Variants in ADAMTS16 observed in about 807,000 individuals in gnomAD.
ADAMTS16 encodes the protein ADAM metallopeptidase with thrombospondin type 1 motif 16, also known as A disintegrin and metalloproteinase with thrombospondin motifs 16.
Under a neutral mutation model 145.8 loss-of-function variants are expected in ADAMTS16, and 94 were observed. That is an observed-to-expected ratio of 0.64 (90% CI 0.55 to 0.77). The LOEUF is 0.77. ADAMTS16 is among the 30% of genes least tolerant of loss of function. The pLI is 0.00. For missense variants in ADAMTS16, 1,585 were observed against 1,591.5 expected (o/e 1.00, Z 0.07); for synonymous variants, 659 against 604.3 (o/e 1.09, Z -1.33).
At chr5:5,201,471 CAAG>C (rs33935829) in intron 9 of ADAMTS16, among the ~76,000 whole-genome samples, 110,885 of 151,742 alleles carry the variant, frequency 0.73, 40,734 homozygotes, top group East Asian at 0.82. Flanking sequence ...TGAAATTTGA[CAAG>C]AAGAATTATA....
intron 13 of ADAMTS16, 48 bp downstream of exon 13, chr5:5,235,234 T>C (rs1237977997): frequency 6.9e-7 from 1 of 1,452,480 alleles, no homozygotes; most frequent in Non-Finnish European, 9.2e-7. Flanking sequence ...TTTACTACCT[T>C]TACTTTTTAA....
rs1376135788 is a variant in ADAMTS16 at position 5,319,773 on chromosome 5, C to T, written c.*635C>T. ...CAGGGGACTGCATTCTGGTTTGGGA[C>T]TTTGCCTATGGAAATGGGAAAAATG... On this transcript the variant is annotated 3_prime_UTR_variant, in exon 23 of 23. Transcript: ENST00000274181. 9 of 439,494 alleles carry T rather than the reference C, an allele frequency of 2.0e-5. No individual in the cohort carries two copies. Among genetic ancestry groups the T allele is most frequent in the Non-Finnish European group, 3.6e-5 (8 of 220,064 alleles). 27.2% of individuals were successfully genotyped at this position (439,494 alleles called of 1,614,324 possible).
chr5:5,200,044 G>T, intron 8 of ADAMTS16, 88 bp from the exon 9 acceptor site: 1 of 1,453,440 alleles, frequency 6.9e-7, no homozygotes, highest in Non-Finnish European at 9.2e-7. Flanking sequence ...GAGTCTCACA[G>T]TCTTGACTTG....
At chr5:5,287,526 G>A (rs1206904335) in intron 18 of ADAMTS16, among the ~76,000 whole-genome samples, 1 of 152,038 alleles carries the variant, frequency 6.6e-6, no homozygotes, top group Non-Finnish European at 1.5e-5. Flanking sequence ...AAGGAAATTC[G>A]ACTCCCAGTT....
intron 10 of ADAMTS16, among the ~76,000 whole-genome samples, chr5:5,219,930 A>T (rs1313113234): frequency 1.3e-5 from 2 of 152,194 alleles, no homozygotes; most frequent in Non-Finnish European, 2.9e-5. Context: ...AGTTACTCTG[A>T]ATGGTAGTCT....
At chr5:5,227,246 G>A (rs1441164130) in intron 11 of ADAMTS16, among the ~76,000 whole-genome samples, 2 of 152,224 alleles carry the variant, frequency 1.3e-5, no homozygotes, top group African/African-American at 2.4e-5. Context: ...CATCTACTGC[G>A]TTTAGGTGTG....
chr5:5,305,489 A>AC (rs1422835980), intron 20 of ADAMTS16, among the ~76,000 whole-genome samples: 1 of 45,580 alleles, frequency 2.2e-5, no homozygotes. Flanking sequence ...ACACACACAC[A>AC]ATCCCACACC....
At chr5:5,141,201 G>A (rs1168108357) in intron 2 of ADAMTS16, among the ~76,000 whole-genome samples, 1 of 151,792 alleles carries the variant, frequency 6.6e-6, no homozygotes, top group African/African-American at 2.4e-5. Context: ...TTCCTCTATC[G>A]TTGCTTATTC....
At chr5:5,309,584 A>C (rs4702257) in intron 21 of ADAMTS16, among the ~76,000 whole-genome samples, 75,047 of 152,012 alleles carry the variant, frequency 0.49, 18,732 homozygotes, top group East Asian at 0.59. Flanking sequence ...GCAGCACAGA[A>C]CATCAAAGCA....
In ADAMTS16 at chr5:5,249,448, G is replaced by A. The variant is rs182646562; in HGVS notation, c.2662+7257G>A. Among the ~76,000 whole-genome samples, 19 of 152,196 alleles carry A rather than the reference G, an allele frequency of 1.2e-4. No homozygotes were observed. The East Asian group carries it at 3.5e-3, about 28-fold the overall frequency. On this transcript the variant is annotated intron_variant, in intron 17 of 22. Transcript: ENST00000274181. ...CCTTGACTCCCTGCATGAGACCCGT[G>A]AAGGGGGTGACTCGTTTACTCAGCC...
intron 10 of ADAMTS16, 138 bp downstream of exon 10, chr5:5,209,384 T>A: frequency 9.8e-7 from 1 of 1,025,030 alleles, no homozygotes; most frequent in East Asian, 2.8e-5. Context: ...TGGTCCTGTA[T>A]AACGGGAAAC....
intron 10 of ADAMTS16, among the ~76,000 whole-genome samples, chr5:5,213,929 C>G (rs1725255094): frequency 6.6e-6 from 1 of 152,212 alleles, no homozygotes; most frequent in Non-Finnish European, 1.5e-5. Flanking sequence ...GGGCCCCCAG[C>G]CCAATGCAAC....
chr5:5,167,643 C>T (rs111760345), intron 3 of ADAMTS16, among the ~76,000 whole-genome samples: 1 of 152,188 alleles, frequency 6.6e-6, no homozygotes, highest in South Asian at 2.1e-4. Flanking sequence ...GCTATGTGTG[C>T]TACTTATACA....
In ADAMTS16 at chr5:5,319,910, A is replaced by G. The variant is rs74904081; in HGVS notation, c.*772A>G. On this transcript the variant is annotated 3_prime_UTR_variant, in exon 23 of 23. Coordinates refer to ENST00000274181, the MANE Select transcript of ADAMTS16 (RefSeq NM_139056.4). ...TATTTGCAAGTGAGTGTCCTTTTAA[A>G]AACACACTTCTTCATGCTTTTCTTT... 1,341 of 455,626 alleles carry G rather than the reference A, an allele frequency of 2.9e-3. 18 individuals carry two copies. Among genetic ancestry groups the G allele is most frequent in the African/African-American group, 0.024 (1,207 of 50,146 alleles). The allele number at this position is 455,626 out of a possible 1,614,324, so 28.2% of individuals were successfully genotyped here.
Position 5,255,816 on chromosome 5 carries a change from C to T in ADAMTS16, c.2663-6841C>T, listed in dbSNP as rs1016445141. On this transcript the variant is annotated intron_variant, in intron 17 of 22. Coordinates refer to ENST00000274181, the MANE Select transcript of ADAMTS16 (RefSeq NM_139056.4). ...GTTTCTAATATATTGACTTTTGTTT[C>T]TATATCAGATCCCTCTTTCTGCTTT... Among the ~76,000 whole-genome samples the T allele has an allele frequency of 3.3e-5, 5 of 152,178 alleles. No individual in the cohort carries two copies. In the South Asian group the frequency reaches 1.0e-3, roughly 31 times the overall value.
At chr5:5,207,367 A>T (rs1334356917) in intron 9 of ADAMTS16, among the ~76,000 whole-genome samples, 2 of 152,132 alleles carry the variant, frequency 1.3e-5, no homozygotes, top group African/African-American at 2.4e-5. Flanking sequence ...TAGAAAAGCA[A>T]TTGACTTTTG....
At chr5:5,261,643 G>A (rs149639831) in intron 17 of ADAMTS16, among the ~76,000 whole-genome samples, 128 of 152,078 alleles carry the variant, frequency 8.4e-4, no homozygotes, top group African/African-American at 3.0e-3. Flanking sequence ...GTGCCACCAC[G>A]CCCAGCTAAT....
intron 3 of ADAMTS16, among the ~76,000 whole-genome samples, chr5:5,156,239 C>G (rs1734598777): frequency 6.8e-6 from 1 of 147,448 alleles, no homozygotes; most frequent in Admixed American, 6.7e-5. Flanking sequence ...TATAATCAAG[C>G]TGCCTACTAC....
In ADAMTS16 at chr5:5,253,759, C is replaced by G. The variant is rs1737698624; in HGVS notation, c.2663-8898C>G. On this transcript the variant is annotated intron_variant, in intron 17 of 22. Transcript: ENST00000274181. ...CACCTGGTCACCACATCCACAGGCT[C>G]TTTCTCAGCACTTCCTCCCTGGCCT... Among the ~76,000 whole-genome samples, 3 of 152,190 alleles carry G rather than the reference C, an allele frequency of 2.0e-5. No individual in the cohort carries two copies. In the South Asian group the frequency reaches 6.2e-4, roughly 32 times the overall value.
Sources: gnomAD v4.1 joint callset for allele counts (sites outside exome capture counted in the v4.1 genomes callset) on GRCh38, gnomAD v4.1.1 for gene constraint, MANE v1.5 for transcripts, NCBI Gene and HGNC (gene_info 2026-07-23, HGNC 2026-07-21) for gene names.